The following USH2A variants were observed in gnomAD, a reference collection of about 807,000 sequenced individuals.
USH2A encodes usherin, also known as Usher syndrome 2A (autosomal recessive, mild).
A neutral mutation model predicts 538.9 loss-of-function variants in USH2A; 443 were observed. That is an observed-to-expected ratio of 0.82 (90% CI 0.76 to 0.89). The LOEUF is 0.89. USH2A is among the 40% of genes least tolerant of loss of function. USH2A has a pLI of 0.00. For missense variants in USH2A, 6,633 were observed against 6,324.8 expected (o/e 1.05, Z -1.65); for synonymous variants, 2,413 against 2,273.5 (o/e 1.06, Z -1.75).
chr1:216,199,426 ATTTG>A (rs2034929911), intron 17 of USH2A, among the ~76,000 whole-genome samples, 197 bp downstream of exon 17: 1 of 152,230 alleles, frequency 6.6e-6, no homozygotes. Context: ...ATTGAATGGA[ATTTG>A]TTATTAGATT....
At chr1:215,697,362 A>T (rs939019162) in intron 61 of USH2A, among the ~76,000 whole-genome samples, 1 of 152,122 alleles carries the variant, frequency 6.6e-6, no homozygotes, top group Non-Finnish European at 1.5e-5. Flanking sequence ...TAGGGAGCTG[A>T]GTGCCACCTG....
intron 60 of USH2A, among the ~76,000 whole-genome samples, chr1:215,734,171 G>A (rs1660085527): frequency 6.6e-6 from 1 of 152,208 alleles, no homozygotes; most frequent in Admixed American, 6.5e-5. Context: ...CTGTGCATCT[G>A]CCAACTTAAC....
intron 40 of USH2A, 151 bp downstream of exon 40, chr1:215,899,924 C>T (rs961068898): frequency 3.8e-5 from 43 of 1,119,800 alleles, no homozygotes; most frequent in Non-Finnish European, 5.3e-5. Context: ...AGACTGACCA[C>T]CTTTGCTCAC....
intron 11 of USH2A, among the ~76,000 whole-genome samples, chr1:216,269,162 C>A (rs1418765688): frequency 6.6e-6 from 1 of 152,050 alleles, no homozygotes; most frequent in Non-Finnish European, 1.5e-5. Flanking sequence ...TGTGTCCTCA[C>A]CCAAATCTCA....
intron 50 of USH2A, among the ~76,000 whole-genome samples, chr1:215,791,636 C>T (rs888676446): frequency 5.9e-5 from 9 of 152,102 alleles, no homozygotes; most frequent in Non-Finnish European, 7.4e-5. Flanking sequence ...GATAACTCTT[C>T]GAAGTAATTG....
intron 49 of USH2A, among the ~76,000 whole-genome samples, chr1:215,803,951 A>G (rs1423630067): frequency 6.6e-6 from 1 of 152,226 alleles, no homozygotes; most frequent in African/African-American, 2.4e-5. Flanking sequence ...AACCAAAGGA[A>G]CAGAACAGAG....
chr1:216,098,407 C>G (rs560024431), intron 21 of USH2A, among the ~76,000 whole-genome samples: 4 of 152,250 alleles, frequency 2.6e-5, no homozygotes, highest in African/African-American at 9.6e-5. Flanking sequence ...TGAATGAATA[C>G]TGATTTGAGT....
At chr1:216,287,686 A>G (rs2036913864) in intron 11 of USH2A, among the ~76,000 whole-genome samples, 1 of 152,154 alleles carries the variant, frequency 6.6e-6, no homozygotes, top group Non-Finnish European at 1.5e-5. Flanking sequence ...TGGAGAGACA[A>G]ATCTGATGCA....
In USH2A at chr1:215,703,145, G is replaced by T. The variant is rs572192915; in HGVS notation, c.12067-22769C>A. 9.2e-5 allele frequency among the ~76,000 whole-genome samples: 14 copies of T among 152,280 alleles called. No individual in the cohort carries two copies. The South Asian group carries it at 2.3e-3, about 25-fold the overall frequency. On this transcript the variant is annotated intron_variant, in intron 61 of 71. Transcript: ENST00000307340. ...TGCCTGGGTATCACCAGTGGAGGCT[G>T]CAGAACATCAAAGACTGCTGCCTGC...
chr1:216,107,095 A>G (rs551086877), intron 21 of USH2A, among the ~76,000 whole-genome samples: 1 of 152,010 alleles, frequency 6.6e-6, no homozygotes, highest in South Asian at 2.1e-4. Flanking sequence ...GTACATTTGA[A>G]AAACAATAGC....
intron 3 of USH2A, among the ~76,000 whole-genome samples, chr1:216,392,854 T>G (rs923922940): frequency 6.6e-6 from 1 of 152,206 alleles, no homozygotes; most frequent in Non-Finnish European, 1.5e-5. Context: ...TTCAAAACCT[T>G]TTACGATTTT....
At chr1:216,109,215 G>T (rs1233113626) in intron 21 of USH2A, among the ~76,000 whole-genome samples, 1 of 152,174 alleles carries the variant, frequency 6.6e-6, no homozygotes, top group African/African-American at 2.4e-5. Flanking sequence ...AAATTCAAGT[G>T]TGGAGGATAA....
intron 11 of USH2A, among the ~76,000 whole-genome samples, chr1:216,272,264 C>T (rs903574697): frequency 6.6e-6 from 1 of 152,066 alleles, no homozygotes; most frequent in Non-Finnish European, 1.5e-5. Flanking sequence ...GATTTATTAG[C>T]AGAGCTGTTC....
chr1:216,106,505 G>C (rs1409477621), intron 21 of USH2A, among the ~76,000 whole-genome samples: 1 of 150,624 alleles, frequency 6.6e-6, no homozygotes, highest in Admixed American at 6.6e-5. Context: ...AAATCATATC[G>C]ATAGATTTTT....
At chr1:216,359,038 C>T (rs1455130475) in intron 4 of USH2A, among the ~76,000 whole-genome samples, 1 of 152,112 alleles carries the variant, frequency 6.6e-6, no homozygotes, top group Non-Finnish European at 1.5e-5. Context: ...ATAAGGCTCA[C>T]AAGATTTAAT....
At position 216,386,724 on chromosome 1, in the gene USH2A, G is replaced by A. The variant is rs558875051; in HGVS notation, c.652-21639C>T. On this transcript the variant is annotated intron_variant, in intron 3 of 71. Transcript: ENST00000307340. The stretch of plus-strand genomic sequence containing the variant: ...CAAAAAATTAGCCTGGCGTGGTGAC[G>A]GGCACCTGTAGTCCCAGCCACTCGG... 2.9e-4 allele frequency among the ~76,000 whole-genome samples: 44 copies of A among 151,266 alleles called. No individual in the cohort carries two copies. The South Asian group carries it at 7.7e-3, about 27-fold the overall frequency.
At chr1:216,043,604 A>G (rs932799422) in intron 32 of USH2A, among the ~76,000 whole-genome samples, 1 of 152,092 alleles carries the variant, frequency 6.6e-6, no homozygotes, top group African/African-American at 2.4e-5. Context: ...ATTTACCACA[A>G]TCTTTCTTCA....
chr1:216,371,991 A>G (rs1182713775), intron 3 of USH2A, among the ~76,000 whole-genome samples: 2 of 152,182 alleles, frequency 1.3e-5, no homozygotes, highest in Non-Finnish European at 2.9e-5. Flanking sequence ...TTCTCTATTG[A>G]GTGACGTTTA....
At chr1:215,747,841 T>C (rs1216662789) in intron 58 of USH2A, among the ~76,000 whole-genome samples, 1 of 152,118 alleles carries the variant, frequency 6.6e-6, no homozygotes, top group South Asian at 2.1e-4. Flanking sequence ...TAAAAGGCTG[T>C]TGTTTGAAGC....
Sources: gnomAD v4.1 joint callset for allele counts (sites outside exome capture counted in the v4.1 genomes callset) on GRCh38, gnomAD v4.1.1 for gene constraint, MANE v1.5 for transcripts, NCBI Gene and HGNC (gene_info 2026-07-23, HGNC 2026-07-21) for gene names.